DOCK10: variants seen among roughly 807,000 people sequenced by gnomAD.
The protein encoded by DOCK10 is dedicator of cytokinesis protein 10.
A neutral mutation model predicts 280.1 loss-of-function variants in DOCK10; 145 were observed. That is an observed-to-expected ratio of 0.52 (90% CI 0.45 to 0.59). DOCK10 has a LOEUF of 0.59. Among genes scored for constraint, DOCK10 ranks in the 20% least tolerant of loss-of-function variants. The probability of loss-of-function intolerance (pLI) is 0.00; values close to 1 mark genes in which losing one functional copy is unlikely to be tolerated. For synonymous variants in DOCK10, 915 were observed against 942.2 expected (o/e 0.97, Z 0.53); for missense variants, 2,368 against 2,651.7 (o/e 0.89, Z 2.35).
intron 50 of DOCK10, among the ~76,000 whole-genome samples, chr2:224,778,793 A>G (rs1344856945): frequency 1.3e-5 from 2 of 152,130 alleles, no homozygotes; most frequent in Non-Finnish European, 2.9e-5. Context: ...AAACCACAAC[A>G]CTTTATGTAG....
intron 39 of DOCK10, among the ~76,000 whole-genome samples, chr2:224,803,402 T>C (rs1693146582): frequency 6.6e-6 from 1 of 152,114 alleles, no homozygotes; most frequent in African/African-American, 2.4e-5. Context: ...TCTAAAACCC[T>C]TTCTAAAATA....
At chr2:224,926,691 G>T (rs140749714) in intron 2 of DOCK10, among the ~76,000 whole-genome samples, 3 of 152,312 alleles carry the variant, frequency 2.0e-5, no homozygotes, top group South Asian at 2.1e-4. Flanking sequence ...AAAGCAGGAA[G>T]TATTTTCCTT....
intron 2 of DOCK10, among the ~76,000 whole-genome samples, chr2:224,919,153 T>C (rs1701536289): frequency 1.3e-5 from 2 of 149,892 alleles, no homozygotes; most frequent in Admixed American, 6.7e-5. Context: ...TGTGTGTATG[T>C]GTGGTGTGTG....
chr2:224,923,591 C>T (rs1323899128), intron 2 of DOCK10, among the ~76,000 whole-genome samples: 1 of 152,218 alleles, frequency 6.6e-6, no homozygotes, highest in Admixed American at 6.5e-5. Flanking sequence ...GCGAGGCCTG[C>T]AGACATGGTC....
chr2:224,956,151 C>T (rs1704020419), intron 1 of DOCK10, among the ~76,000 whole-genome samples: 1 of 152,184 alleles, frequency 6.6e-6, no homozygotes, highest in South Asian at 2.1e-4. Flanking sequence ...AGCACTGAGA[C>T]TTGATTTGGG....
intron 22 of DOCK10, among the ~76,000 whole-genome samples, chr2:224,844,443 T>A (rs1162916880): frequency 4.6e-5 from 7 of 152,152 alleles, no homozygotes; most frequent in African/African-American, 1.7e-4. Context: ...ATTTTTAACA[T>A]TTAACATTTT....
intron 1 of DOCK10, among the ~76,000 whole-genome samples, chr2:225,032,195 C>T (rs914003897): frequency 2.0e-5 from 3 of 152,018 alleles, no homozygotes; most frequent in African/African-American, 7.3e-5. Context: ...TCTTGGTGTC[C>T]AACTCTCTTG....
At chr2:225,005,446 T>C (rs1706539552) in intron 1 of DOCK10, among the ~76,000 whole-genome samples, 2 of 152,258 alleles carry the variant, frequency 1.3e-5, no homozygotes, top group South Asian at 4.1e-4. Flanking sequence ...CAGTTATTCA[T>C]GTCCCACCAT....
At chr2:224,843,211 G>A (rs981789139) in intron 22 of DOCK10, among the ~76,000 whole-genome samples, 7 of 152,178 alleles carry the variant, frequency 4.6e-5, no homozygotes, top group African/African-American at 1.4e-4. Flanking sequence ...GTGTCAAAGG[G>A]ATCACTGGGT....
At chr2:224,849,662 A>C in intron 18 of DOCK10, 63 bp from the exon 19 acceptor site, 1 of 1,243,770 alleles carries the variant, frequency 8.0e-7, no homozygotes, top group Non-Finnish European at 1.2e-6. Flanking sequence ...GGTGAAAAAA[A>C]AGTCCATAAC....
At chr2:224,906,714 G>T (rs1700662345) in intron 3 of DOCK10, among the ~76,000 whole-genome samples, 1 of 152,158 alleles carries the variant, frequency 6.6e-6, no homozygotes, top group African/African-American at 2.4e-5. Context: ...CTCCTGACCT[G>T]GTGATCCGCC....
Position 224,778,230 on chromosome 2 carries a change from T to A in DOCK10, c.5710A>T (p.Thr1904Ser). 5 of 1,611,432 alleles carry A rather than the reference T, an allele frequency of 3.1e-6. No individual in the cohort carries two copies. Among genetic ancestry groups the A allele is most frequent in the Non-Finnish European group, 4.2e-6 (5 of 1,178,444 alleles). Residue 1904 changes from threonine to serine, a missense_variant, in exon 51 of 56, where the codon ACA becomes TCA. Physicochemically the swap from Thr to Ser is moderately conservative, Grantham distance 58 (BLOSUM62 1). Transcript: ENST00000258390. ...CTTTGGGAAATCTCGGACAGACCTG[T>A]CAGCTTAGGCTCTTTATAAATATAC... The part of the protein sequence containing the change: ...KEYIYKEPKL[T>S]GLSEISQRLL...
intron 18 of DOCK10, among the ~76,000 whole-genome samples, chr2:224,850,726 A>G (rs1167994323): frequency 2.0e-5 from 3 of 152,134 alleles, no homozygotes; most frequent in African/African-American, 7.2e-5. Flanking sequence ...TTCTCATGAC[A>G]GTGAATGAAT....
At chr2:224,922,034 G>A (rs937966139) in intron 2 of DOCK10, among the ~76,000 whole-genome samples, 5 of 150,754 alleles carry the variant, frequency 3.3e-5, no homozygotes, top group East Asian at 2.0e-4. Flanking sequence ...CAGGAGAATC[G>A]CTTGAACCCG....
intron 1 of DOCK10, among the ~76,000 whole-genome samples, chr2:225,029,364 G>A (rs1690013547): frequency 6.6e-6 from 1 of 152,052 alleles, no homozygotes; most frequent in Non-Finnish European, 1.5e-5. Flanking sequence ...TAGAGACAGG[G>A]TTTTGTCATG....
intron 1 of DOCK10, among the ~76,000 whole-genome samples, chr2:224,941,951 T>C (rs1703113214): frequency 6.6e-6 from 1 of 151,996 alleles, no homozygotes; most frequent in African/African-American, 2.4e-5. Context: ...ACAATGACAA[T>C]TGCCACCAAT....
intron 7 of DOCK10, among the ~76,000 whole-genome samples, chr2:224,876,935 G>C (rs1698666597): frequency 6.6e-6 from 1 of 152,020 alleles, no homozygotes; most frequent in Non-Finnish European, 1.5e-5. Context: ...TCCTTTCCTG[G>C]CTCTGGCTTC....
intron 11 of DOCK10, among the ~76,000 whole-genome samples, chr2:224,866,145 G>C (rs1030252596): frequency 6.6e-6 from 1 of 152,056 alleles, no homozygotes; most frequent in Non-Finnish European, 1.5e-5. Flanking sequence ...TTTCTTTCTG[G>C]TCCAGAATCC....
intron 1 of DOCK10, among the ~76,000 whole-genome samples, chr2:225,036,632 C>T (rs972588155): frequency 6.6e-6 from 1 of 152,094 alleles, no homozygotes; most frequent in Non-Finnish European, 1.5e-5. Context: ...CTCTCAATGA[C>T]GAGACTCTAT....
Sources: gnomAD v4.1 joint callset for allele counts (sites outside exome capture counted in the v4.1 genomes callset) on GRCh38, gnomAD v4.1.1 for gene constraint, MANE v1.5 for transcripts, NCBI Gene and HGNC (gene_info 2026-07-23, HGNC 2026-07-21) for gene names.